The following SMARCB1 variants were observed in gnomAD, a reference collection of about 807,000 sequenced individuals.
SMARCB1 encodes the protein SWI/SNF-related matrix-associated actin-dependent regulator of chromatin subfamily B member 1.
SMARCB1 carries 5 observed loss-of-function variants against 49.0 expected under a neutral mutation model. The observed-to-expected ratio is 0.10, with a 90% CI of 0.05 to 0.21. SMARCB1 has a LOEUF of 0.21. Ranked by LOEUF, SMARCB1 falls within the 10% of genes least tolerant of loss-of-function variation. The pLI, the probability that SMARCB1 is intolerant of heterozygous loss-of-function variation, is 1.00. For synonymous variants in SMARCB1, 201 were observed against 200.1 expected (o/e 1.00, Z -0.04); for missense variants, 226 against 509.2 (o/e 0.44, Z 5.35).
At chr22:23,792,029 GC>G (rs1601388928) in intron 2 of SMARCB1, 135 bp downstream of exon 2, 1 of 859,016 alleles carries the variant, frequency 1.2e-6, no homozygotes, top group African/African-American at 1.7e-5. Flanking sequence ...GGGGTGGGCC[GC>G]CCTGTGAGCA....
intron 3 of SMARCB1, among the ~76,000 whole-genome samples, chr22:23,799,828 G>T (rs1459942248): frequency 6.6e-6 from 1 of 151,802 alleles, no homozygotes; most frequent in Non-Finnish European, 1.5e-5. Context: ...GGGACTGCAG[G>T]CGCCTGCCAC....
chr22:23,832,576 G>A (rs2030711219), intron 7 of SMARCB1, among the ~76,000 whole-genome samples: 1 of 152,180 alleles, frequency 6.6e-6, no homozygotes, highest in Non-Finnish European at 1.5e-5. Flanking sequence ...GTCATGGTTA[G>A]GACCTCAGGC....
chr22:23,808,937 T>C (rs936301737), intron 5 of SMARCB1, among the ~76,000 whole-genome samples: 1 of 151,292 alleles, frequency 6.6e-6, no homozygotes, highest in Admixed American at 6.6e-5. Flanking sequence ...CCTCAGGTGA[T>C]CCACCCACCC....
intron 8 of SMARCB1, among the ~76,000 whole-genome samples, chr22:23,833,915 G>T (rs988143458): frequency 2.0e-5 from 3 of 152,208 alleles, no homozygotes; most frequent in Admixed American, 1.3e-4. Context: ...TCAGGCTGAG[G>T]GTCTGACCAC....
intron 7 of SMARCB1, 179 bp downstream of exon 7, chr22:23,825,594 C>G: frequency 1.6e-6 from 1 of 614,420 alleles, no homozygotes; most frequent in South Asian, 2.0e-5. Flanking sequence ...CAGGGCTCCG[C>G]TGTGCCAGGT....
rs1449639399 is a variant in SMARCB1, at chr22:23,819,893, C to A, written c.795+2957C>A. Reference sequence around the variant, plus strand: ...CCAGGCTGGAGTGCAGTGGCATGATCTTGGCTCACTGCAACTTCCACCTCC... The same window carrying A: ...CCAGGCTGGAGTGCAGTGGCATGATATTGGCTCACTGCAACTTCCACCTCC... On this transcript the variant is annotated intron_variant, in intron 6 of 8. Transcript: ENST00000644036. Among the ~76,000 whole-genome samples, 5 of 152,174 alleles carry A rather than the reference C, an allele frequency of 3.3e-5. No individual in the cohort carries two copies. In the East Asian group the frequency reaches 9.7e-4, roughly 29 times the overall value.
At chr22:23,832,013 G>T (rs893084307) in intron 7 of SMARCB1, among the ~76,000 whole-genome samples, 1 of 152,202 alleles carries the variant, frequency 6.6e-6, no homozygotes, top group Non-Finnish European at 1.5e-5. Context: ...AGCTGTGAGG[G>T]GTCAGGCCTG....
Position 23,787,017 on chromosome 22 carries a change from G to A in SMARCB1, c.-153G>A. The A allele has an allele frequency of 3.9e-6, 2 of 509,352 alleles. No individual in the cohort carries two copies. Among genetic ancestry groups the A allele is most frequent in the South Asian group, 2.6e-5 (1 of 38,274 alleles). The allele number at this position is 509,352 out of a possible 1,614,324, so 31.6% of individuals were successfully genotyped here. On this transcript the variant is annotated 5_prime_UTR_variant, in exon 1 of 9. Coordinates refer to ENST00000644036, the MANE Select transcript of SMARCB1 (RefSeq NM_003073.5). Reference sequence around the variant, plus strand: ...CTGGTCGTCGTCTGCGGCGGCGGCGGCGGCTGAGGAGCCCGGCTGAGGCGC... The same window carrying A: ...CTGGTCGTCGTCTGCGGCGGCGGCGACGGCTGAGGAGCCCGGCTGAGGCGC...
intron 5 of SMARCB1, among the ~76,000 whole-genome samples, chr22:23,804,871 G>A (rs1929396684): frequency 6.6e-6 from 1 of 152,106 alleles, no homozygotes; most frequent in South Asian, 2.1e-4. Context: ...TTCAAACAAT[G>A]CAGCATTTTC....
chr22:23,803,531 G>A (rs1253721641), intron 5 of SMARCB1, 109 bp downstream of exon 5: 11 of 1,286,230 alleles, frequency 8.6e-6, no homozygotes, highest in East Asian at 4.9e-5. Flanking sequence ...GACCTGACAC[G>A]CAGGACATCG....
At chr22:23,815,534 A>AAAACAAAC (rs113614330) in intron 5 of SMARCB1, 18,251 of 152,028 alleles carry the variant, frequency 0.12, 1,148 homozygotes, top group South Asian at 0.19. Flanking sequence ...ACTCCGTCTC[A>AAAACAAAC]AAACAAACAA....
At chr22:23,789,004 C>G (rs1252013279) in intron 1 of SMARCB1, among the ~76,000 whole-genome samples, 2 of 152,154 alleles carry the variant, frequency 1.3e-5, no homozygotes, top group African/African-American at 4.8e-5. Context: ...CACACACCAC[C>G]ACACCCGGCT....
At chr22:23,830,815 C>T (rs910394161) in intron 7 of SMARCB1, among the ~76,000 whole-genome samples, 4 of 151,970 alleles carry the variant, frequency 2.6e-5, no homozygotes, top group Admixed American at 6.6e-5. Flanking sequence ...GCACCTGCCA[C>T]CACACCCAGC....
intron 5 of SMARCB1, chr22:23,804,235 A>T (rs1321432525): frequency 6.6e-6 from 1 of 151,378 alleles, no homozygotes; most frequent in Non-Finnish European, 1.5e-5. Flanking sequence ...ACAGAGTCCC[A>T]CTCTGTTGCC....
chr22:23,794,600 A>G (rs1928623881), intron 3 of SMARCB1, among the ~76,000 whole-genome samples: 1 of 152,174 alleles, frequency 6.6e-6, no homozygotes, highest in Non-Finnish European at 1.5e-5. Context: ...ATTTGAATGT[A>G]TAAAAACTTA....
intron 5 of SMARCB1, among the ~76,000 whole-genome samples, chr22:23,806,113 G>A (rs1477946889): frequency 1.3e-5 from 2 of 152,216 alleles, no homozygotes; most frequent in African/African-American, 4.8e-5. Context: ...GTGGCTCTGG[G>A]CCTTTTTAGA....
intron 1 of SMARCB1, among the ~76,000 whole-genome samples, chr22:23,787,926 G>A (rs1384134678): frequency 6.6e-6 from 1 of 152,206 alleles, no homozygotes; most frequent in African/African-American, 2.4e-5. Flanking sequence ...AGAGCCTAAG[G>A]ATGTTTAACC....
At position 23,834,237 on chromosome 22, in the gene SMARCB1, C is replaced by T. The variant is rs2146045964; in HGVS notation, c.*57C>T. 1 of 1,525,914 alleles carries T rather than the reference C, an allele frequency of 6.6e-7. No individual in the cohort carries two copies. Among genetic ancestry groups the T allele is most frequent in the Admixed American group, 1.9e-5 (1 of 51,662 alleles). The allele number at this position is 1,525,914 out of a possible 1,614,324, so 94.5% of individuals were successfully genotyped here. A position where few individuals can be genotyped will look rare whatever the true frequency, so the allele number is the denominator to read the frequency against. ...ATCTCAGAAGATTGGGCCGCCTCTC[C>T]TCCATCTTCTGGCAAGGACAGAGGC... is the stretch of plus-strand genomic sequence containing the variant. On this transcript the variant is annotated 3_prime_UTR_variant, in exon 9 of 9. Coordinates refer to ENST00000644036, the MANE Select transcript of SMARCB1 (RefSeq NM_003073.5).
chr22:23,789,526 GT>G (rs1433580663), intron 1 of SMARCB1, among the ~76,000 whole-genome samples: 4 of 152,192 alleles, frequency 2.6e-5, no homozygotes, highest in African/African-American at 9.7e-5. Context: ...CTGCCTTGCT[GT>G]CGTGTTTCTC....
Sources: gnomAD v4.1 joint callset for allele counts (sites outside exome capture counted in the v4.1 genomes callset) on GRCh38, gnomAD v4.1.1 for gene constraint, MANE v1.5 for transcripts, NCBI Gene and HGNC (gene_info 2026-07-23, HGNC 2026-07-21) for gene names.